TENM2: variants seen among roughly 807,000 people sequenced by gnomAD.
TENM2 encodes teneurin-2.
Under a neutral mutation model 245.2 loss-of-function variants are expected in TENM2, and 52 were observed. The observed-to-expected ratio is 0.21, with a 90% CI of 0.17 to 0.27. The LOEUF (loss-of-function observed/expected upper bound fraction) is 0.27, where lower values mean the gene tolerates loss of function less well. Ranked by LOEUF, TENM2 falls within the 10% of genes least tolerant of loss-of-function variation. The probability of loss-of-function intolerance (pLI) is 1.00; values close to 1 mark genes in which losing one functional copy is unlikely to be tolerated. For synonymous variants in TENM2, 1,363 were observed against 1,438.9 expected, an observed-to-expected ratio of 0.95 and a Z score of 1.19; for missense variants, 3,046 against 3,666.8, an observed-to-expected ratio of 0.83 and a Z score of 4.37.
rs1385338397 is a variant in TENM2 at position 167,960,487 on chromosome 5, T to C, written c.947+7665T>C. Among the ~76,000 whole-genome samples, 5 of 152,158 alleles carry C rather than the reference T, an allele frequency of 3.3e-5. No individual in the cohort carries two copies. The East Asian group carries it at 9.7e-4, about 29-fold the overall frequency. On this transcript the variant is annotated intron_variant, in intron 4 of 28. Coordinates refer to ENST00000518659, the Ensembl canonical transcript of TENM2. Reference sequence around the variant, plus strand: ...AGTCTGAACTTCCCAGTGGCTTTGTTTACACTGTGAGGGGAAAACTACTTA... The same window carrying C: ...AGTCTGAACTTCCCAGTGGCTTTGTCTACACTGTGAGGGGAAAACTACTTA...
chr5:167,591,567 A>G (rs937709094), intron 2 of TENM2, among the ~76,000 whole-genome samples: 11 of 152,246 alleles, frequency 7.2e-5, no homozygotes, highest in Admixed American at 6.5e-5. Flanking sequence ...CTCATTGGCC[A>G]TTTATTTGAT....
intron 2 of TENM2, among the ~76,000 whole-genome samples, chr5:167,817,206 T>C (rs894871746): frequency 2.0e-5 from 3 of 152,226 alleles, no homozygotes; most frequent in African/African-American, 7.2e-5. Flanking sequence ...CATCAGGATA[T>C]AGTGTGCTGA....
At chr5:167,368,254 A>G (rs1364426940) in intron 1 of TENM2, among the ~76,000 whole-genome samples, 1 of 152,188 alleles carries the variant, frequency 6.6e-6, no homozygotes, top group Admixed American at 6.5e-5. Context: ...AGTTCAGTTT[A>G]AATTTAATAT....
rs1251800208 is a variant in TENM2 at position 167,782,041 on chromosome 5, C to T, written c.503-93945C>T. 6.8e-5 allele frequency among the ~76,000 whole-genome samples: 10 copies of T among 147,568 alleles called. 1 individual carries two copies. Among genetic ancestry groups the T allele is most frequent in the Admixed American group, 4.7e-4 (7 of 14,868 alleles). ...TAAAAAAATAAAAATAGGCTGGGCA[C>T]AGTGGCTCACACCTGTAATCCCAGC... On this transcript the variant is annotated intron_variant, in intron 2 of 28. Coordinates refer to ENST00000518659, the Ensembl canonical transcript of TENM2.
chr5:167,481,519 G>A (rs935744000), intron 2 of TENM2, among the ~76,000 whole-genome samples: 1 of 152,162 alleles, frequency 6.6e-6, no homozygotes, highest in Non-Finnish European at 1.5e-5. Context: ...CGGTTCTGTA[G>A]CTGCAACAGA....
intron 2 of TENM2, among the ~76,000 whole-genome samples, chr5:167,456,680 T>C (rs12652718): frequency 0.38 from 57,666 of 152,102 alleles, 11,577 homozygotes; most frequent in East Asian, 0.61. Flanking sequence ...TTTCAATTTA[T>C]TAGCTACATA....
In TENM2 at chr5:167,982,003, GA is replaced by G. The variant is rs1782878453; in HGVS notation, c.948-10934del. Among the ~76,000 whole-genome samples, 5 of 147,546 alleles carry G rather than the reference GA, an allele frequency of 3.4e-5. No homozygotes were observed. The East Asian group carries it at 5.9e-4, about 18-fold the overall frequency. ...CCAAAAAAAAAAAAAAAAGAAAAAA[GA>G]AAAAAAGAAAATCCAGATCCCATGC... On this transcript the variant is annotated intron_variant, in intron 4 of 28. Transcript: ENST00000518659.
chr5:167,754,929 G>A lies in TENM2; in HGVS notation c.503-121057G>A, dbSNP rs565890959. ...AGGGAGGAGGGAGAGAGCAGATATT[G>A]CCTATTATGCTTTTCCTTCCCAGCT... On this transcript the variant is annotated intron_variant, in intron 2 of 28. Transcript: ENST00000518659. 97 of 1,283,688 alleles carry A rather than the reference G, an allele frequency of 7.6e-5. No homozygotes were observed. In the African/African-American group the frequency reaches 1.3e-3, roughly 17 times the overall value. The allele number at this position is 1,283,688 out of a possible 1,614,324, so 79.5% of individuals were successfully genotyped here.
At chr5:167,364,661 G>C (rs749068872) in intron 1 of TENM2, among the ~76,000 whole-genome samples, 4 of 151,990 alleles carry the variant, frequency 2.6e-5, no homozygotes, top group Non-Finnish European at 5.9e-5. Flanking sequence ...AAGCTGGCTT[G>C]ACTGCTTTAT....
At chr5:168,076,414 C>CG (rs952628873) in intron 7 of TENM2, among the ~76,000 whole-genome samples, 22 of 151,770 alleles carry the variant, frequency 1.4e-4, no homozygotes, top group Non-Finnish European at 2.6e-4. Flanking sequence ...TTAGCAGAGA[C>CG]GGGGTTTCAC....
At chr5:166,985,219 C>T in the TENM2 span, among the ~76,000 whole-genome samples, 1 of 152,080 alleles carries the variant, frequency 6.6e-6, no homozygotes, top group Non-Finnish European at 1.5e-5. Context: ...CATTTCTATT[C>T]ATGGAGCCTG....
At chr5:167,101,849 T>TTATATATATATATTTTTA in the TENM2 span, among the ~76,000 whole-genome samples, 1 of 69,456 alleles carries the variant, frequency 1.4e-5, no homozygotes, top group African/African-American at 5.5e-5. Context: ...ATATATATAT[T>TTATATATATATATTTTTA]TATATATATA....
At chr5:167,108,416 G>T in the TENM2 span, among the ~76,000 whole-genome samples, 98 of 152,256 alleles carry the variant, frequency 6.4e-4, no homozygotes, top group African/African-American at 2.3e-3. Flanking sequence ...GTGAGTCACC[G>T]CGCCCGGCCA....
At chr5:167,326,906 G>A (rs1263565328) in intron 1 of TENM2, among the ~76,000 whole-genome samples, 1 of 151,680 alleles carries the variant, frequency 6.6e-6, no homozygotes, top group Non-Finnish European at 1.5e-5. Context: ...CATGCTATTA[G>A]AGAAAGAAGC....
At chr5:167,795,789 G>T (rs1202720330) in intron 2 of TENM2, among the ~76,000 whole-genome samples, 1 of 152,194 alleles carries the variant, frequency 6.6e-6, no homozygotes, top group Non-Finnish European at 1.5e-5. Context: ...ACTAATGACT[G>T]TCAAGAGAAC....
At chr5:168,229,514 A>ATAAG (rs1764629717) in intron 25 of TENM2, 1 of 139,436 alleles carries the variant, frequency 7.2e-6, no homozygotes. Flanking sequence ...GGGGTAGATC[A>ATAAG]TAAGTAAAAA....
At chr5:167,849,399 T>A (rs761663365) in intron 2 of TENM2, among the ~76,000 whole-genome samples, 2 of 152,148 alleles carry the variant, frequency 1.3e-5, no homozygotes, top group Non-Finnish European at 2.9e-5. Flanking sequence ...TAAAATCCAA[T>A]CATTTTTTCT....
At chr5:167,431,964 T>C (rs927898274) in intron 2 of TENM2, among the ~76,000 whole-genome samples, 25 of 140,650 alleles carry the variant, frequency 1.8e-4, no homozygotes, top group Non-Finnish European at 2.6e-4. Flanking sequence ...TATATATGTA[T>C]ATATATATAT....
chr5:168,198,861 T>C, exon 16 of TENM2: 1 of 1,613,828 alleles, frequency 6.2e-7, no homozygotes, highest in Non-Finnish European at 8.5e-7. Flanking sequence ...AGGTTCGACC[T>C]GATCGCAAAT....
Sources: allele counts gnomAD v4.1 joint callset (sites outside exome capture counted in the v4.1 genomes callset), GRCh38; gene constraint gnomAD v4.1.1; transcripts MANE v1.5; gene names NCBI Gene and HGNC (gene_info 2026-07-23, HGNC 2026-07-21).